The following IER3IP1 variants were observed in gnomAD, a reference collection of about 807,000 sequenced individuals.
IER3IP1 encodes the protein immediate early response 3-interacting protein 1.
A neutral mutation model predicts 12.2 loss-of-function variants in IER3IP1; 16 were observed. The ratio of observed to expected loss-of-function variants is 1.31; its 90% CI spans 0.89 to 1.99. IER3IP1 has a LOEUF of 1.99. IER3IP1 is among the 30% of genes most tolerant of loss of function. The probability of loss-of-function intolerance (pLI) is 0.00; values close to 1 mark genes in which losing one functional copy is unlikely to be tolerated. For missense variants in IER3IP1, 95 were observed against 95.8 expected (o/e 0.99, Z 0.03); for synonymous variants, 42 against 40.0 (o/e 1.05, Z -0.19).
At chr18:47,171,496 CT>C (rs1361304690) in intron 1 of IER3IP1, among the ~76,000 whole-genome samples, 1 of 152,186 alleles carries the variant, frequency 6.6e-6, no homozygotes, top group Non-Finnish European at 1.5e-5. Flanking sequence ...GAAGGCTTGA[CT>C]TCATGAGAAG....
chr18:47,167,860 A>C (rs2064000926), intron 1 of IER3IP1, among the ~76,000 whole-genome samples: 1 of 152,120 alleles, frequency 6.6e-6, no homozygotes, highest in South Asian at 2.1e-4. Context: ...GTGGTGGCTT[A>C]AACCTGTAAT....
chr18:47,159,122 C>A (rs1457189346), intron 1 of IER3IP1, among the ~76,000 whole-genome samples: 1 of 152,142 alleles, frequency 6.6e-6, no homozygotes, highest in African/African-American at 2.4e-5. Flanking sequence ...GGTATAACAG[C>A]CATGAGCAGG....
At chr18:47,157,601 T>A in intron 1 of IER3IP1, 64 bp from the exon 2 acceptor site, 1 of 1,392,364 alleles carries the variant, frequency 7.2e-7, no homozygotes, top group Non-Finnish European at 1.0e-6. Context: ...CCCTGTCATC[T>A]TCTAAAAGAT....
intron 1 of IER3IP1, among the ~76,000 whole-genome samples, chr18:47,165,329 G>A (rs979535939): frequency 2.0e-5 from 3 of 152,180 alleles, no homozygotes; most frequent in African/African-American, 7.2e-5. Context: ...AAGGCGGGCA[G>A]ATCACTTGAG....
In IER3IP1 at chr18:47,153,048, TTGATA is replaced by T. The variant is rs1385920625; in HGVS notation, c.*3124_*3128del. The T allele has an allele frequency of 2.6e-5, 4 of 152,230 alleles. No individual in the cohort carries two copies. Among genetic ancestry groups the T allele is most frequent in the Admixed American group, 1.3e-4 (2 of 15,282 alleles). 9.4% of individuals were successfully genotyped at this position (152,230 alleles called of 1,614,324 possible). On this transcript the variant is annotated 3_prime_UTR_variant, in exon 3 of 3. Transcript: ENST00000256433. ...TTCAGTCACATGGTAAAAGGTTTGCTTGATATATTAGAAATATCTTGCCTCCTAGT... is the reference window on the plus strand; with the variant it reads ...TTCAGTCACATGGTAAAAGGTTTGCTTATTAGAAATATCTTGCCTCCTAGT...
At chr18:47,158,506 T>A (rs1300960900) in intron 1 of IER3IP1, among the ~76,000 whole-genome samples, 1 of 151,850 alleles carries the variant, frequency 6.6e-6, no homozygotes, top group Non-Finnish European at 1.5e-5. Context: ...CACACCCGGC[T>A]AATTTTTGTA....
chr18:47,175,197 G>A (rs1054574148), intron 1 of IER3IP1, among the ~76,000 whole-genome samples: 4 of 152,184 alleles, frequency 2.6e-5, no homozygotes, highest in African/African-American at 9.7e-5. Context: ...GGTACACAAC[G>A]TGAGGTCCTG....
At chr18:47,161,783 G>A (rs1004258976) in intron 1 of IER3IP1, among the ~76,000 whole-genome samples, 3 of 151,598 alleles carry the variant, frequency 2.0e-5, no homozygotes, top group African/African-American at 7.3e-5. Flanking sequence ...TTATTACATT[G>A]TAATACATAC....
chr18:47,174,996 CTTGTTA>C (rs1369826818), intron 1 of IER3IP1, among the ~76,000 whole-genome samples: 2 of 152,212 alleles, frequency 1.3e-5, no homozygotes, highest in African/African-American at 2.4e-5. Context: ...ACTCTCTATA[CTTGTTA>C]TTGTCATTTG....
chr18:47,156,769 AT>A (rs2063960558), intron 2 of IER3IP1: 1 of 136,654 alleles, frequency 7.3e-6, no homozygotes, highest in Admixed American at 7.3e-5. Flanking sequence ...CGAAATCTCT[AT>A]TTTTCTTTTT....
At chr18:47,157,618 G>A in intron 1 of IER3IP1, 81 bp from the exon 2 acceptor site, 1 of 1,233,262 alleles carries the variant, frequency 8.1e-7, no homozygotes, top group Non-Finnish European at 1.2e-6. Flanking sequence ...AGATTAGTTT[G>A]AGACCTTGTT....
At chr18:47,170,741 C>T (rs1299889839) in intron 1 of IER3IP1, among the ~76,000 whole-genome samples, 1 of 152,074 alleles carries the variant, frequency 6.6e-6, no homozygotes, top group Non-Finnish European at 1.5e-5. Flanking sequence ...CTAAATCCTG[C>T]AATCTTATTA....
chr18:47,157,157 C>A, intron 2 of IER3IP1: 1 of 401,992 alleles, frequency 2.5e-6, no homozygotes, highest in Non-Finnish European at 4.4e-6. Context: ...TTCCAAAAGG[C>A]AAGAATATAA....
At chr18:47,158,889 G>A (rs1304695622) in intron 1 of IER3IP1, among the ~76,000 whole-genome samples, 4 of 152,030 alleles carry the variant, frequency 2.6e-5, no homozygotes, top group Non-Finnish European at 5.9e-5. Context: ...TGAACCTGGG[G>A]GAGGTTAAGG....
At chr18:47,164,674 C>T (rs2063990235) in intron 1 of IER3IP1, among the ~76,000 whole-genome samples, 1 of 151,498 alleles carries the variant, frequency 6.6e-6, no homozygotes, top group East Asian at 1.9e-4. Context: ...CCCAGCTACT[C>T]AGGAGGCTGA....
intron 1 of IER3IP1, among the ~76,000 whole-genome samples, chr18:47,173,337 G>A (rs1439628231): frequency 6.6e-6 from 1 of 152,052 alleles, no homozygotes; most frequent in Non-Finnish European, 1.5e-5. Context: ...AGTAAATTCT[G>A]CCTTTTATAC....
rs186717694 is a variant in IER3IP1 at position 47,171,554 on chromosome 18, G to T, written c.91+4633C>A. ...CTCTTTGTATGTTATAGGTCTATTC[G>T]GATTTCCCATTTACTTGAGTCTAGT... On this transcript the variant is annotated intron_variant, in intron 1 of 2. Transcript: ENST00000256433. 3.3e-4 allele frequency among the ~76,000 whole-genome samples: 50 copies of T among 152,150 alleles called. No homozygotes were observed. The Middle Eastern group carries it at 0.01, about 31-fold the overall frequency.
chr18:47,161,415 C>G (rs555934111), intron 1 of IER3IP1, among the ~76,000 whole-genome samples: 10 of 152,202 alleles, frequency 6.6e-5, no homozygotes, highest in Non-Finnish European at 1.5e-5. Flanking sequence ...ACTACCATCA[C>G]AGTTGTCACT....
chr18:47,165,049 G>A (rs2144431235), intron 1 of IER3IP1, among the ~76,000 whole-genome samples: 1 of 152,260 alleles, frequency 6.6e-6, no homozygotes, highest in Non-Finnish European at 1.5e-5. Flanking sequence ...TGAAGAAAAA[G>A]TACTAGTAAC....
Sources: allele counts gnomAD v4.1 joint callset (sites outside exome capture counted in the v4.1 genomes callset), GRCh38; gene constraint gnomAD v4.1.1; transcripts MANE v1.5; gene names NCBI Gene and HGNC (gene_info 2026-07-23, HGNC 2026-07-21).